Variants in TRPM3 observed in about 807,000 individuals in gnomAD.
The protein encoded by TRPM3 is transient receptor potential cation channel subfamily M member 3.
In TRPM3, 77 loss-of-function variants were observed where a neutral mutation model predicts 181.2. The observed-to-expected ratio is 0.42, with a 90% CI of 0.35 to 0.51. The LOEUF is 0.51. Among genes scored for constraint, TRPM3 ranks in the 20% least tolerant of loss-of-function variants. The pLI is 0.01. For missense variants in TRPM3, 1,759 were observed against 2,196.7 expected (o/e 0.80, Z 3.98); for synonymous variants, 745 against 796.4 (o/e 0.94, Z 1.09).
At chr9:70,850,875 G>A (rs944792836) in intron 3 of TRPM3, among the ~76,000 whole-genome samples, 7 of 152,086 alleles carry the variant, frequency 4.6e-5, no homozygotes, top group South Asian at 4.1e-4. Context: ...CAACTTTAAC[G>A]TATCACTTTA....
chr9:71,192,650 T>C (rs2078104618), intron 1 of TRPM3, among the ~76,000 whole-genome samples: 1 of 151,942 alleles, frequency 6.6e-6, no homozygotes, highest in Non-Finnish European at 1.5e-5. Context: ...ATATTTTGAA[T>C]ATTAACCCCT....
chr9:71,109,425 T>C (rs1040248602), intron 1 of TRPM3, among the ~76,000 whole-genome samples: 8 of 152,144 alleles, frequency 5.3e-5, no homozygotes, highest in African/African-American at 1.7e-4. Flanking sequence ...ATTCTGTTAA[T>C]TTGCATTGCA....
chr9:70,839,367 T>G (rs1415229), intron 5 of TRPM3, among the ~76,000 whole-genome samples: 1 of 151,834 alleles, frequency 6.6e-6, no homozygotes, highest in Non-Finnish European at 1.5e-5. Flanking sequence ...TTCAGAAGAT[T>G]TAGAAGCACA....
intron 1 of TRPM3, among the ~76,000 whole-genome samples, chr9:70,981,255 C>T (rs777121311): frequency 2.0e-5 from 3 of 152,064 alleles, no homozygotes; most frequent in Non-Finnish European, 2.9e-5. Context: ...AGTTTTATAG[C>T]GTAGAAGAGC....
intron 1 of TRPM3, among the ~76,000 whole-genome samples, chr9:71,102,759 G>T (rs924729597): frequency 1.3e-5 from 2 of 152,074 alleles, no homozygotes; most frequent in African/African-American, 4.8e-5. Flanking sequence ...ATTTTTATTA[G>T]AAAGCAATAT....
At chr9:71,383,526 C>T (rs2092853243) in intron 1 of TRPM3, among the ~76,000 whole-genome samples, 1 of 152,160 alleles carries the variant, frequency 6.6e-6, no homozygotes, top group African/African-American at 2.4e-5. Flanking sequence ...TTCTGTGTCC[C>T]TGTACAAAAG....
At chr9:70,556,643 A>G (rs1164139688) in intron 22 of TRPM3, among the ~76,000 whole-genome samples, 1 of 152,050 alleles carries the variant, frequency 6.6e-6, no homozygotes, top group Non-Finnish European at 1.5e-5. Flanking sequence ...AATTGCTTGA[A>G]CCTGGAATGT....
intron 1 of TRPM3, among the ~76,000 whole-genome samples, chr9:70,901,798 A>T (rs943165969): frequency 1.3e-5 from 2 of 152,220 alleles, no homozygotes; most frequent in African/African-American, 4.8e-5. Flanking sequence ...CAAGTTATTA[A>T]TTTCCAAGTT....
intron 1 of TRPM3, among the ~76,000 whole-genome samples, chr9:71,025,693 A>T (rs2097889751): frequency 6.6e-6 from 1 of 152,144 alleles, no homozygotes; most frequent in Admixed American, 6.5e-5. Context: ...AACAGAGAAA[A>T]TGAGTTTGGG....
intron 1 of TRPM3, among the ~76,000 whole-genome samples, chr9:70,866,514 C>A (rs1400647891): frequency 1.3e-5 from 2 of 152,078 alleles, no homozygotes; most frequent in African/African-American, 2.4e-5. Context: ...ATACCTGCAA[C>A]ACAGCATTGT....
intron 22 of TRPM3, among the ~76,000 whole-genome samples, chr9:70,578,298 C>CAAAAA (rs56376771): frequency 8.6e-6 from 1 of 116,416 alleles, no homozygotes. Context: ...CTTTTGTATC[C>CAAAAA]AAAAAAAAAA....
intron 1 of TRPM3, among the ~76,000 whole-genome samples, chr9:71,302,396 A>G (rs2086862968): frequency 6.6e-6 from 1 of 152,314 alleles, no homozygotes; most frequent in South Asian, 2.1e-4. Context: ...AGCCACCAAA[A>G]TATTCTACGA....
intron 25 of TRPM3, 120 bp downstream of exon 25, chr9:70,549,422 T>C (rs1392030701): frequency 3.8e-6 from 5 of 1,308,142 alleles, no homozygotes; most frequent in Non-Finnish European, 5.2e-6. Context: ...CTCCATGATT[T>C]CTCAGACAAT....
intron 1 of TRPM3, among the ~76,000 whole-genome samples, chr9:71,444,282 C>T (rs2094175763): frequency 6.6e-6 from 1 of 151,370 alleles, no homozygotes; most frequent in African/African-American, 2.4e-5. Flanking sequence ...TTTCAAGAAT[C>T]CAACTAAAGC....
At chr9:71,144,481 C>G (rs1461787695) in intron 1 of TRPM3, among the ~76,000 whole-genome samples, 1 of 151,986 alleles carries the variant, frequency 6.6e-6, no homozygotes, top group African/African-American at 2.4e-5. Flanking sequence ...GTTATTGTAC[C>G]CTTAAGATAA....
chr9:71,055,859 C>G (rs560517833), intron 1 of TRPM3, among the ~76,000 whole-genome samples: 30 of 152,066 alleles, frequency 2.0e-4, no homozygotes, highest in African/African-American at 6.0e-4. Context: ...AGGGGACCAC[C>G]CCTTTCTCTC....
At chr9:70,807,641 A>G (rs992661123) in intron 6 of TRPM3, among the ~76,000 whole-genome samples, 1 of 152,168 alleles carries the variant, frequency 6.6e-6, no homozygotes, top group African/African-American at 2.4e-5. Context: ...GGTTTTCAGA[A>G]TGACCACAAT....
chr9:71,367,262 A>T (rs113766767), intron 1 of TRPM3, among the ~76,000 whole-genome samples: 1 of 152,192 alleles, frequency 6.6e-6, no homozygotes, highest in Admixed American at 6.5e-5. Context: ...AAGACCATGA[A>T]TGCTCAAGAG....
chr9:70,757,230 A>G (rs1045170890), intron 8 of TRPM3, among the ~76,000 whole-genome samples: 2 of 152,088 alleles, frequency 1.3e-5, no homozygotes, highest in Non-Finnish European at 2.9e-5. Flanking sequence ...ACTAGAAAAT[A>G]TAGAAGAAAT....
Sources: gnomAD v4.1 joint callset for allele counts (sites outside exome capture counted in the v4.1 genomes callset) on GRCh38, gnomAD v4.1.1 for gene constraint, MANE v1.5 for transcripts, NCBI Gene and HGNC (gene_info 2026-07-23, HGNC 2026-07-21) for gene names.